Variants in LPP observed in about 807,000 individuals in gnomAD.
The protein encoded by LPP is LIM domain containing preferred translocation partner in lipoma.
A neutral mutation model predicts 60.4 loss-of-function variants in LPP; 38 were observed. The ratio of observed to expected loss-of-function variants is 0.63; its 90% CI spans 0.49 to 0.83. The LOEUF (loss-of-function observed/expected upper bound fraction) is 0.83. Ranked by LOEUF, LPP falls within the 40% of genes least tolerant of loss-of-function variation. LPP has a pLI of 0.00. For missense variants in LPP, 902 were observed against 783.6 expected (o/e 1.15, Z -1.80); for synonymous variants, 328 against 290.8 (o/e 1.13, Z -1.30).
chr3:188,736,003 C>G (rs894117758), intron 8 of LPP, among the ~76,000 whole-genome samples: 2 of 152,156 alleles, frequency 1.3e-5, no homozygotes, highest in Non-Finnish European at 2.9e-5. Context: ...GAAGTTTAAA[C>G]TATTTTAAAA....
At chr3:188,536,948 G>A (rs974198484) in intron 6 of LPP, among the ~76,000 whole-genome samples, 9 of 152,058 alleles carry the variant, frequency 5.9e-5, no homozygotes, top group Admixed American at 2.6e-4. Flanking sequence ...GGCTCTCTCC[G>A]TCACCCAGCC....
chr3:188,646,560 A>G (rs1319878385), intron 7 of LPP, among the ~76,000 whole-genome samples: 1 of 152,236 alleles, frequency 6.6e-6, no homozygotes, highest in Non-Finnish European at 1.5e-5. Context: ...GGTTGCCTAT[A>G]AAGGCAAGGA....
intron 3 of LPP, among the ~76,000 whole-genome samples, chr3:188,368,787 G>A (rs1260783426): frequency 6.7e-6 from 1 of 150,062 alleles, no homozygotes; most frequent in Non-Finnish European, 1.5e-5. Context: ...TTATGCTCAA[G>A]GTGAGAAGAC....
chr3:188,308,092 C>T (rs997332954), intron 2 of LPP, among the ~76,000 whole-genome samples: 1 of 152,162 alleles, frequency 6.6e-6, no homozygotes, highest in African/African-American at 2.4e-5. Flanking sequence ...CCTCAGAATT[C>T]AGGACTGATG....
chr3:188,360,695 C>G (rs563976341), intron 3 of LPP, among the ~76,000 whole-genome samples: 69 of 152,206 alleles, frequency 4.5e-4, no homozygotes, highest in Non-Finnish European at 7.4e-4. Flanking sequence ...ATCTCAGAAG[C>G]TCCATCATCC....
At position 188,257,003 on chromosome 3, in the gene LPP, A is replaced by G. The variant is rs77178191; in HGVS notation, c.-67+31476A>G. On this transcript the variant is annotated intron_variant, in intron 2 of 11. Transcript: ENST00000617246. Reference sequence around the variant, plus strand: ...TGAGGAAGTTAGGGAGTGTGATACCATTAGGGAGAGGGAATATGTGGCATA... The same window carrying G: ...TGAGGAAGTTAGGGAGTGTGATACCGTTAGGGAGAGGGAATATGTGGCATA... Among the ~76,000 whole-genome samples, 571 of 152,270 alleles carry G rather than the reference A, an allele frequency of 3.7e-3. 6 individuals are homozygous for G. Among genetic ancestry groups the G allele is most frequent in the African/African-American group, 0.013 (537 of 41,558 alleles).
chr3:188,339,839 A>G (rs1578193138), intron 2 of LPP, among the ~76,000 whole-genome samples: 3 of 152,236 alleles, frequency 2.0e-5, no homozygotes, highest in Non-Finnish European at 1.5e-5. Flanking sequence ...CACTTTGCCC[A>G]GGGATGTTGC....
chr3:188,158,927 G>A (rs1266895738), intron 1 of LPP, among the ~76,000 whole-genome samples: 2 of 152,170 alleles, frequency 1.3e-5, no homozygotes, highest in Non-Finnish European at 2.9e-5. Flanking sequence ...ATGGACAAAC[G>A]GGCTTCTCAG....
chr3:188,573,469 A>G (rs764420728), intron 6 of LPP, among the ~76,000 whole-genome samples: 1 of 152,034 alleles, frequency 6.6e-6, no homozygotes, highest in Non-Finnish European at 1.5e-5. Context: ...TTCAGAAACC[A>G]GGGGCCCTCT....
At chr3:188,753,600 T>A (rs1577350219) in intron 8 of LPP, among the ~76,000 whole-genome samples, 1 of 151,852 alleles carries the variant, frequency 6.6e-6, no homozygotes, top group East Asian at 1.9e-4. Context: ...TGTGTGTGTG[T>A]GTGTGTGTGT....
intron 2 of LPP, among the ~76,000 whole-genome samples, chr3:188,232,195 G>A (rs16863115): frequency 0.028 from 4,225 of 152,208 alleles, 196 homozygotes; most frequent in African/African-American, 0.097. Flanking sequence ...GGAAATTGGA[G>A]CCTTAAAATT....
chr3:188,661,797 T>G (rs1220946840), intron 7 of LPP, among the ~76,000 whole-genome samples: 3 of 152,264 alleles, frequency 2.0e-5, no homozygotes, highest in African/African-American at 7.2e-5. Context: ...CTATAGCATG[T>G]CTTCAAATAG....
chr3:188,564,520 G>C (rs575711956), intron 6 of LPP, among the ~76,000 whole-genome samples: 2 of 151,944 alleles, frequency 1.3e-5, no homozygotes, highest in Non-Finnish European at 2.9e-5. Context: ...ATACCAGGAT[G>C]AGCCAGAATT....
intron 10 of LPP, among the ~76,000 whole-genome samples, chr3:188,869,538 G>A (rs934345002): frequency 2.0e-5 from 3 of 152,142 alleles, no homozygotes; most frequent in Admixed American, 6.5e-5. Context: ...TGATCCACCC[G>A]CCTAGGCCTC....
intron 2 of LPP, among the ~76,000 whole-genome samples, chr3:188,279,376 A>G (rs756067589): frequency 6.6e-6 from 1 of 152,192 alleles, no homozygotes; most frequent in Non-Finnish European, 1.5e-5. Flanking sequence ...ATTAAATATA[A>G]TTCTGTGACT....
intron 9 of LPP, among the ~76,000 whole-genome samples, chr3:188,824,200 C>T (rs1046909308): frequency 2.6e-5 from 4 of 152,028 alleles, no homozygotes; most frequent in Non-Finnish European, 5.9e-5. Context: ...TTCACTCATT[C>T]GGGTGGCGTG....
chr3:188,688,500 G>A (rs578142045), intron 7 of LPP, among the ~76,000 whole-genome samples: 1 of 152,340 alleles, frequency 6.6e-6, no homozygotes, highest in Non-Finnish European at 1.5e-5. Context: ...TGCCAAGATA[G>A]TTGGAAGATG....
intron 9 of LPP, among the ~76,000 whole-genome samples, chr3:188,786,330 C>A (rs1269142410): frequency 7.4e-6 from 1 of 135,764 alleles, no homozygotes; most frequent in Non-Finnish European, 1.5e-5. Context: ...TTGCAGTGAG[C>A]CAAGAGCATG....
intron 1 of LPP, among the ~76,000 whole-genome samples, chr3:188,193,936 A>G (rs931164006): frequency 1.3e-5 from 2 of 152,238 alleles, no homozygotes; most frequent in Admixed American, 1.3e-4. Flanking sequence ...GGGAACCAGC[A>G]AAAGATTTGG....
Sources: gnomAD v4.1 joint callset for allele counts (sites outside exome capture counted in the v4.1 genomes callset) on GRCh38, gnomAD v4.1.1 for gene constraint, MANE v1.5 for transcripts, NCBI Gene and HGNC (gene_info 2026-07-23, HGNC 2026-07-21) for gene names.